RILPL1: variants seen among roughly 807,000 people sequenced by gnomAD.
RILPL1 encodes the protein Rab interacting lysosomal protein like 1.
In RILPL1, 33 loss-of-function variants were observed where a neutral mutation model predicts 50.3. The ratio of observed to expected loss-of-function variants is 0.66; its 90% CI spans 0.50 to 0.88. RILPL1 has a LOEUF of 0.88. Ranked by LOEUF, RILPL1 falls within the 40% of genes least tolerant of loss-of-function variation. The pLI is 0.00. For missense variants in RILPL1, 418 were observed against 542.5 expected (o/e 0.77, Z 2.28); for synonymous variants, 205 against 228.6 (o/e 0.90, Z 0.93).
rs772052730 is a variant in RILPL1, at chr12:123,533,436, T to G, written c.47A>C (p.Glu16Ala). ...GSALAAESALEKNVAELTVMD... is the reference protein window; with the variant it reads ...GSALAAESALAKNVAELTVMD... ...GACGGTCAGCTCGGCCACGTTCTTCTCCAGCGCCGACTCGGCCGCCAGCGC... is the reference window on the plus strand; with the variant it reads ...GACGGTCAGCTCGGCCACGTTCTTCGCCAGCGCCGACTCGGCCGCCAGCGC... The change falls in exon 1 of 7, where the codon GAG becomes GCG. Residue 16 changes from glutamate (E) to alanine (A), a missense_variant. Physicochemically the swap from Glu to Ala is moderately radical, Grantham distance 107. Coordinates refer to ENST00000376874, the MANE Select transcript of RILPL1 (RefSeq NM_178314.5). The surrounding 1 kb of genome is among the most constrained non-coding windows in gnomAD (Gnocchi z 6.2). The G allele has an allele frequency of 3.9e-6, 6 of 1,536,298 alleles. No homozygotes were observed. Among genetic ancestry groups the G allele is most frequent in the Non-Finnish European group, 5.3e-6 (6 of 1,139,198 alleles).
chr12:123,527,848 T>C (rs568520104), intron 1 of RILPL1, among the ~76,000 whole-genome samples: 7 of 152,166 alleles, frequency 4.6e-5, no homozygotes, highest in Admixed American at 1.3e-4. Context: ...AGCCAGGGAA[T>C]GCAGAGTCCA....
intron 2 of RILPL1, among the ~76,000 whole-genome samples, chr12:123,512,796 TG>T (rs1396025877): frequency 6.8e-6 from 1 of 146,278 alleles, no homozygotes; most frequent in Non-Finnish European, 1.5e-5. Flanking sequence ...GAGGTTTGTG[TG>T]TGTGTGTGGT....
At chr12:123,524,350 C>G (rs883503) in intron 1 of RILPL1, among the ~76,000 whole-genome samples, 134,044 of 152,262 alleles carry the variant, frequency 0.88, 59,139 homozygotes, top group East Asian at 1. Context: ...ATGGAAAATG[C>G]TGCGGACATT....
chr12:123,501,631 G>C (rs1883390732), intron 2 of RILPL1, among the ~76,000 whole-genome samples: 1 of 151,024 alleles, frequency 6.6e-6, no homozygotes, highest in South Asian at 2.1e-4. Context: ...CTGGTGGTGA[G>C]CGCCTGTAGT....
intron 2 of RILPL1, among the ~76,000 whole-genome samples, chr12:123,499,989 T>C (rs965379510): frequency 8.6e-5 from 13 of 151,714 alleles, no homozygotes; most frequent in African/African-American, 2.4e-5. Context: ...TGGAGTGCAG[T>C]GGCGCGATCT....
At chr12:123,513,172 CGTGT>C (rs960628838) in intron 2 of RILPL1, among the ~76,000 whole-genome samples, 4 of 149,470 alleles carry the variant, frequency 2.7e-5, no homozygotes, top group East Asian at 2.0e-4. Context: ...GTGTGTGTGG[CGTGT>C]GTGAGTGGGT....
Position 123,485,946 on chromosome 12 carries a change from G to T in RILPL1, c.802-141C>A. The T allele has an allele frequency of 1.3e-6, 1 of 788,216 alleles. No homozygotes were observed. Among genetic ancestry groups the T allele is most frequent in the Non-Finnish European group, 1.9e-6 (1 of 523,230 alleles). The allele number at this position is 788,216 out of a possible 1,614,324, so 48.8% of individuals were successfully genotyped here. ...GTGCTATTTTCAGCACTCGCAGGCGGCCCTTGCTCACGTTCTGTACAGTTT... is the reference window on the plus strand; with the variant it reads ...GTGCTATTTTCAGCACTCGCAGGCGTCCCTTGCTCACGTTCTGTACAGTTT... On this transcript the variant is annotated intron_variant, in intron 4 of 6. Transcript: ENST00000376874. This position sits in a 1 kb window ranked among gnomAD's most constrained non-coding sequence, Gnocchi z 4.0.
At chr12:123,528,491 G>T (rs1248188753) in intron 1 of RILPL1, among the ~76,000 whole-genome samples, 1 of 150,242 alleles carries the variant, frequency 6.7e-6, no homozygotes, top group African/African-American at 2.4e-5. Context: ...GCAGTGGTGC[G>T]ATCTCGGCTC....
rs1283618431 is a variant in RILPL1, at chr12:123,497,049, CT to C, written c.801+1494del. On this transcript the variant is annotated intron_variant, in intron 4 of 6. Coordinates refer to ENST00000376874, the MANE Select transcript of RILPL1 (RefSeq NM_178314.5). ...CGTGCAAATGGAGTCACACACTGGC[CT>C]TTTGGGCCTGGCTTCTTTCACTCCG... 5.3e-5 allele frequency among the ~76,000 whole-genome samples: 8 copies of C among 152,330 alleles called. No individual in the cohort carries two copies. The South Asian group carries it at 1.7e-3, about 32-fold the overall frequency.
chr12:123,499,971 G>T (rs1231033516), intron 2 of RILPL1, among the ~76,000 whole-genome samples: 1 of 148,918 alleles, frequency 6.7e-6, no homozygotes, highest in Non-Finnish European at 1.5e-5. Context: ...TCGCTCTGTC[G>T]CCCAGGCTGG....
intron 6 of RILPL1, among the ~76,000 whole-genome samples, chr12:123,478,428 C>T (rs1417156881): frequency 2.6e-5 from 4 of 152,024 alleles, no homozygotes; most frequent in African/African-American, 4.8e-5. Flanking sequence ...TGTTTTGGCC[C>T]GAAGTTTGTC....
At chr12:123,480,151 G>A (rs1451546781) in intron 6 of RILPL1, among the ~76,000 whole-genome samples, 3 of 150,434 alleles carry the variant, frequency 2.0e-5, no homozygotes, top group East Asian at 3.9e-4. Context: ...TGCTAGAAAG[G>A]CTGATTCTTT....
At chr12:123,507,953 G>GAAAAAAAAAAAAAAAAAAAAAAAA (rs56309765) in intron 2 of RILPL1, among the ~76,000 whole-genome samples, 1 of 115,012 alleles carries the variant, frequency 8.7e-6, no homozygotes, top group Non-Finnish European at 1.8e-5. Flanking sequence ...AAAAAAAAAA[G>GAAAAAAAAAAAAAAAAAAAAAAAA]AAAAAAAAAA....
intron 2 of RILPL1, among the ~76,000 whole-genome samples, chr12:123,510,974 TGTGTG>T (rs1884108171): frequency 6.9e-6 from 1 of 145,204 alleles, no homozygotes; most frequent in African/African-American, 2.7e-5. Flanking sequence ...GGTCTGTGTG[TGTGTG>T]GTGTGTGTGA....
intron 2 of RILPL1, among the ~76,000 whole-genome samples, chr12:123,512,626 G>A (rs1183759378): frequency 7.2e-6 from 1 of 139,382 alleles, no homozygotes. Context: ...CTGTGTCTGT[G>A]TGTCGTGTGT....
intron 1 of RILPL1, among the ~76,000 whole-genome samples, chr12:123,525,989 G>C (rs1407757326): frequency 6.6e-6 from 1 of 152,172 alleles, no homozygotes; most frequent in Admixed American, 6.6e-5. Context: ...TCACAAAGCA[G>C]GGTTGCTGTT....
chr12:123,532,078 C>T (rs937194848), intron 1 of RILPL1, among the ~76,000 whole-genome samples: 5 of 152,190 alleles, frequency 3.3e-5, no homozygotes, highest in Non-Finnish European at 7.3e-5. Flanking sequence ...CTATTTTACT[C>T]CAAAACACAG....
chr12:123,501,153 G>A (rs1038396713), intron 2 of RILPL1, among the ~76,000 whole-genome samples: 1 of 151,294 alleles, frequency 6.6e-6, no homozygotes, highest in African/African-American at 2.4e-5. Context: ...TAAAATAAAA[G>A]ATGGCCACGC....
At chr12:123,513,191 G>C (rs1220741983) in intron 2 of RILPL1, among the ~76,000 whole-genome samples, 1 of 150,908 alleles carries the variant, frequency 6.6e-6, no homozygotes, top group Non-Finnish European at 1.5e-5. Flanking sequence ...GTGGGTGTAT[G>C]TGTGTGTCTG....
Sources: allele counts gnomAD v4.1 joint callset (sites outside exome capture counted in the v4.1 genomes callset), GRCh38; gene constraint gnomAD v4.1.1; non-coding constraint Gnocchi (gnomAD v3.1); transcripts MANE v1.5; gene names NCBI Gene and HGNC (gene_info 2026-07-23, HGNC 2026-07-21).